The following ADARB2 variants were observed in gnomAD, a reference collection of about 807,000 sequenced individuals.
ADARB2 encodes the protein inactive double-stranded RNA-specific editase B2.
In ADARB2, 25 loss-of-function variants were observed where a neutral mutation model predicts 62.2. The ratio of observed to expected loss-of-function variants is 0.40; its 90% CI spans 0.29 to 0.56. The LOEUF is 0.56. Ranked by LOEUF, ADARB2 falls within the 20% of genes least tolerant of loss-of-function variation. ADARB2 has a pLI of 0.43. For synonymous variants in ADARB2, 572 were observed against 500.8 expected, an observed-to-expected ratio of 1.14 and a Z score of -1.90; for missense variants, 1,071 against 1,077.4, an observed-to-expected ratio of 0.99 and a Z score of 0.08.
intron 1 of ADARB2, among the ~76,000 whole-genome samples, chr10:1,641,387 A>G (rs375682167): frequency 9.3e-4 from 142 of 152,368 alleles, no homozygotes; most frequent in African/African-American, 3.3e-3. Flanking sequence ...TCATAAAAAC[A>G]AATGATGTGA....
intron 3 of ADARB2, among the ~76,000 whole-genome samples, chr10:1,360,471 G>A (rs1385581599): frequency 6.6e-6 from 1 of 152,058 alleles, no homozygotes; most frequent in East Asian, 1.9e-4. Flanking sequence ...GTAGAGACAG[G>A]GTTTTGGGGA....
At chr10:1,473,491 T>G (rs1831354849) in intron 1 of ADARB2, among the ~76,000 whole-genome samples, 1 of 152,114 alleles carries the variant, frequency 6.6e-6, no homozygotes, top group Admixed American at 6.6e-5. Flanking sequence ...GGGATTCTCC[T>G]GCCTCAGCCT....
chr10:1,630,043 C>T (rs79363523), intron 1 of ADARB2, among the ~76,000 whole-genome samples: 1 of 152,176 alleles, frequency 6.6e-6, no homozygotes, highest in African/African-American at 2.4e-5. Flanking sequence ...TCATGGCCAC[C>T]TAGACAGGAG....
intron 1 of ADARB2, among the ~76,000 whole-genome samples, chr10:1,666,067 C>T (rs965454941): frequency 6.3e-5 from 8 of 126,208 alleles, no homozygotes; most frequent in African/African-American, 2.4e-4. Flanking sequence ...CTGAGACCAG[C>T]ATTGGATAGG....
rs553424622 is a variant in ADARB2 at position 1,516,709 on chromosome 10, G to A, written c.101-137549C>T. 8.5e-5 allele frequency among the ~76,000 whole-genome samples: 13 copies of A among 152,320 alleles called. No homozygotes were observed. In the South Asian group the frequency reaches 2.3e-3, roughly 27 times the overall value. On this transcript the variant is annotated intron_variant, in intron 1 of 9. Coordinates refer to ENST00000381312, the MANE Select transcript of ADARB2 (RefSeq NM_018702.4). Reference sequence around the variant, plus strand: ...TATCGCCCAAAGTGCAGCTCCCCGCGGAGGCCCCGTGCACCCTTCCAACTG... The same window carrying A: ...TATCGCCCAAAGTGCAGCTCCCCGCAGAGGCCCCGTGCACCCTTCCAACTG...
chr10:1,682,329 C>A (rs948854767), intron 1 of ADARB2, among the ~76,000 whole-genome samples: 95 of 152,320 alleles, frequency 6.2e-4, no homozygotes, highest in African/African-American at 2.1e-3. Flanking sequence ...CATGCTTCTG[C>A]AGAGCCACTG....
chr10:1,234,774 G>A (rs576760655), intron 5 of ADARB2, among the ~76,000 whole-genome samples: 4 of 107,586 alleles, frequency 3.7e-5, no homozygotes, highest in Admixed American at 2.5e-4. Flanking sequence ...TTTTTGTGAC[G>A]GAGTCTTGCT....
At chr10:1,607,552 C>A (rs917593990) in intron 1 of ADARB2, among the ~76,000 whole-genome samples, 1 of 152,136 alleles carries the variant, frequency 6.6e-6, no homozygotes, top group Non-Finnish European at 1.5e-5. Context: ...CACCAGCTAC[C>A]GAAGCCCTAT....
chr10:1,278,432 C>G (rs1253659411), intron 3 of ADARB2, among the ~76,000 whole-genome samples: 2 of 151,692 alleles, frequency 1.3e-5, no homozygotes, highest in Non-Finnish European at 2.9e-5. Flanking sequence ...CCTCCCTCCC[C>G]ACCAGTATTC....
intron 1 of ADARB2, among the ~76,000 whole-genome samples, chr10:1,719,425 T>C (rs952129008): frequency 1.3e-5 from 2 of 152,248 alleles, no homozygotes; most frequent in Non-Finnish European, 2.9e-5. Context: ...GCCTTCTAAA[T>C]TGAATATATG....
chr10:1,672,195 C>T (rs1341568453), intron 1 of ADARB2, among the ~76,000 whole-genome samples: 1 of 152,148 alleles, frequency 6.6e-6, no homozygotes, highest in Non-Finnish European at 1.5e-5. Flanking sequence ...CTCTCTGTCT[C>T]CACGGGCACT....
At chr10:1,222,731 T>C (rs879936378) in intron 6 of ADARB2, among the ~76,000 whole-genome samples, 16 of 149,546 alleles carry the variant, frequency 1.1e-4, no homozygotes, top group Non-Finnish European at 1.8e-4. Flanking sequence ...GTTGTAGATA[T>C]GCGGCATTAT....
At chr10:1,281,346 A>G (rs2131805287) in intron 3 of ADARB2, among the ~76,000 whole-genome samples, 1 of 152,332 alleles carries the variant, frequency 6.6e-6, no homozygotes, top group South Asian at 2.1e-4. Context: ...TTTTGTTATG[A>G]AAGTAGCCAT....
chr10:1,468,027 G>C (rs1454183380), intron 1 of ADARB2, among the ~76,000 whole-genome samples: 1 of 152,150 alleles, frequency 6.6e-6, no homozygotes, highest in Non-Finnish European at 1.5e-5. Context: ...GAGCTTCTGT[G>C]CCAGCTATTT....
At chr10:1,235,180 T>C in intron 5 of ADARB2, among the ~76,000 whole-genome samples, 1 of 149,234 alleles carries the variant, frequency 6.7e-6, no homozygotes, top group Non-Finnish European at 1.5e-5. Flanking sequence ...GGGTTTGACG[T>C]AGCCTGAGTG....
intron 1 of ADARB2, among the ~76,000 whole-genome samples, chr10:1,458,942 G>A (rs1442059336): frequency 6.6e-6 from 1 of 152,204 alleles, no homozygotes; most frequent in East Asian, 1.9e-4. Flanking sequence ...ATGAAAAAAA[G>A]CTCAACATCA....
intron 1 of ADARB2, among the ~76,000 whole-genome samples, chr10:1,476,378 T>C (rs1395219110): frequency 1.3e-5 from 2 of 151,916 alleles, no homozygotes; most frequent in Non-Finnish European, 2.9e-5. Context: ...CTGGGCTGAG[T>C]GGGAAGAAGG....
rs150272065 is a variant in ADARB2, at chr10:1,492,165, C to T, written c.101-113005G>A. Among the ~76,000 whole-genome samples, 11 of 152,188 alleles carry T rather than the reference C, an allele frequency of 7.2e-5. No homozygotes were observed. The East Asian group carries it at 1.4e-3, about 19-fold the overall frequency. On this transcript the variant is annotated intron_variant, in intron 1 of 9. Transcript: ENST00000381312. ...GAACCATCAATAAGTGAACAATAAG[C>T]GCCACACAGAGAAGTAAAACTAAGT...
intron 1 of ADARB2, among the ~76,000 whole-genome samples, chr10:1,721,952 TA>T (rs1283509608): frequency 6.6e-6 from 1 of 152,196 alleles, no homozygotes; most frequent in East Asian, 1.9e-4. Context: ...TCATTGCTAA[TA>T]AAATGCCACC....
Sources: allele counts gnomAD v4.1 joint callset (sites outside exome capture counted in the v4.1 genomes callset), GRCh38; gene constraint gnomAD v4.1.1; transcripts MANE v1.5; gene names NCBI Gene and HGNC (gene_info 2026-07-23, HGNC 2026-07-21).